PLCH1: variants seen among roughly 807,000 people sequenced by gnomAD.
The protein encoded by PLCH1 is 1-phosphatidylinositol 4,5-bisphosphate phosphodiesterase eta-1.
PLCH1 carries 60 observed loss-of-function variants against 126.7 expected under a neutral mutation model. The observed-to-expected ratio is 0.47, with a 90% confidence interval of 0.38 to 0.59. PLCH1 has a LOEUF of 0.59. Ranked by LOEUF, PLCH1 falls within the 20% of genes least tolerant of loss-of-function variation. The pLI, the probability that PLCH1 is intolerant of heterozygous loss-of-function variation, is 0.00. For missense variants in PLCH1, 1,723 were observed against 2,040.0 expected (o/e 0.84, Z 2.99); for synonymous variants, 719 against 734.9 (o/e 0.98, Z 0.35).
At chr3:155,734,325 T>A (rs1176230939) in intron 1 of PLCH1, among the ~76,000 whole-genome samples, 1 of 152,100 alleles carries the variant, frequency 6.6e-6, no homozygotes, top group Non-Finnish European at 1.5e-5. Flanking sequence ...ACAGTCATAG[T>A]GGCATGTGCC....
In PLCH1 at chr3:155,643,729, G is replaced by A. The variant is rs183036129; in HGVS notation, c.80-47351C>T. Among the ~76,000 whole-genome samples, 827 of 152,336 alleles carry A rather than the reference G, an allele frequency of 5.4e-3. 4 individuals are homozygous for A. Among genetic ancestry groups the A allele is most frequent in the Middle Eastern group, 0.014 (4 of 294 alleles). The stretch of plus-strand genomic sequence containing the variant: ...TACGCTCCATGAGAGCAGGGATCAT[G>A]TCTGGTGTTGCCCATCATTGTATTT... On this transcript the variant is annotated intron_variant, in intron 2 of 22. Transcript: ENST00000460012.
chr3:155,678,525 C>T (rs1287974234), intron 2 of PLCH1, among the ~76,000 whole-genome samples: 1 of 152,122 alleles, frequency 6.6e-6, no homozygotes, highest in African/African-American at 2.4e-5. Context: ...CCTATGCAGC[C>T]CATTCAAAAG....
In PLCH1 at chr3:155,596,325, G is replaced by T. The variant is rs150143990; in HGVS notation, c.133C>A (p.Arg45Ser). Residue 45 changes from arginine (R) to serine (S), a missense_variant, in exon 3 of 23, where the codon CGT becomes AGT. Arg to Ser is a moderately radical substitution (Grantham distance 110). Coordinates refer to ENST00000460012, the MANE Select transcript of PLCH1 (RefSeq NM_014996.4). ...QSGTQMIKLK[R>S]GTKGLVRLFY... ...AGGCGGACAAGCCCTTTGGTTCCAC[G>T]TTTCAGCTTGATCATCTGTGTCCCG... The T allele has an allele frequency of 3.1e-6, 5 of 1,613,410 alleles. No homozygotes were observed. Among genetic ancestry groups the T allele is most frequent in the Non-Finnish European group, 2.5e-6 (3 of 1,179,480 alleles).
At chr3:155,613,779 T>C (rs1457477427) in intron 2 of PLCH1, among the ~76,000 whole-genome samples, 2 of 151,474 alleles carry the variant, frequency 1.3e-5, no homozygotes, top group African/African-American at 4.9e-5. Flanking sequence ...CTGTTCAACA[T>C]AGTACTACTG....
chr3:155,477,554 A>T (rs922524038), downstream of PLCH1, among the ~76,000 whole-genome samples: 23 of 152,160 alleles, frequency 1.5e-4, no homozygotes, highest in African/African-American at 5.5e-4. Flanking sequence ...TATAGAAAAA[A>T]ATCTAATAAT....
intron 2 of PLCH1, among the ~76,000 whole-genome samples, chr3:155,643,310 C>A (rs1276525522): frequency 1.3e-5 from 2 of 152,104 alleles, no homozygotes; most frequent in Non-Finnish European, 2.9e-5. Flanking sequence ...TGTGTGGACA[C>A]TCAAGCAGCC....
chr3:155,493,483 G>A (rs1039150072), intron 17 of PLCH1, among the ~76,000 whole-genome samples: 9 of 152,138 alleles, frequency 5.9e-5, no homozygotes, highest in Non-Finnish European at 1.3e-4. Flanking sequence ...TGCCTCCTGG[G>A]TTCCAGCGAT....
chr3:155,527,140 A>T (rs1722060024), intron 10 of PLCH1, among the ~76,000 whole-genome samples: 1 of 152,214 alleles, frequency 6.6e-6, no homozygotes, highest in African/African-American at 2.4e-5. Context: ...GGGGGCCCAT[A>T]TCCCAGTTCT....
At chr3:155,698,326 A>G (rs1486322004) in intron 2 of PLCH1, among the ~76,000 whole-genome samples, 1 of 152,238 alleles carries the variant, frequency 6.6e-6, no homozygotes, top group Admixed American at 6.5e-5. Context: ...AATTTTTTGT[A>G]TCTCCAAGAC....
intron 1 of PLCH1, among the ~76,000 whole-genome samples, chr3:155,719,158 C>G (rs1435959414): frequency 6.6e-6 from 1 of 152,116 alleles, no homozygotes; most frequent in Non-Finnish European, 1.5e-5. Flanking sequence ...TCTTTTATCC[C>G]TCACCCTCCT....
chr3:155,626,836 T>G (rs966121131), intron 2 of PLCH1, among the ~76,000 whole-genome samples: 1 of 131,170 alleles, frequency 7.6e-6, no homozygotes, highest in African/African-American at 2.7e-5. Context: ...TGCAAAAATA[T>G]CTATATAAAC....
At chr3:155,699,514 A>G (rs1746103249) in intron 2 of PLCH1, among the ~76,000 whole-genome samples, 1 of 152,186 alleles carries the variant, frequency 6.6e-6, no homozygotes, top group Non-Finnish European at 1.5e-5. Context: ...GCTTTGATTC[A>G]GTAAAGAAAT....
intron 21 of PLCH1, among the ~76,000 whole-genome samples, chr3:155,465,527 G>A (rs1020265308): frequency 6.6e-6 from 1 of 152,098 alleles, no homozygotes; most frequent in South Asian, 2.1e-4. Flanking sequence ...GAGACTTGCC[G>A]GCTTTAGGTA....
intron 2 of PLCH1, among the ~76,000 whole-genome samples, chr3:155,689,453 T>C (rs1745206943): frequency 6.6e-6 from 1 of 151,954 alleles, no homozygotes; most frequent in African/African-American, 2.4e-5. Context: ...AGGGACCAAT[T>C]CTGGAGAAAC....
At chr3:155,566,466 T>C (rs1433352577) in intron 7 of PLCH1, among the ~76,000 whole-genome samples, 1 of 151,380 alleles carries the variant, frequency 6.6e-6, no homozygotes, top group Non-Finnish European at 1.5e-5. Flanking sequence ...AAGCTATGCT[T>C]ATGCAGTGTG....
At chr3:155,683,853 C>T (rs1392672132) in intron 2 of PLCH1, among the ~76,000 whole-genome samples, 1 of 152,136 alleles carries the variant, frequency 6.6e-6, no homozygotes, top group East Asian at 1.9e-4. Context: ...ATGCACTTTC[C>T]CCTGAACAGA....
chr3:155,566,152 T>C (rs1469001903), intron 7 of PLCH1, among the ~76,000 whole-genome samples: 2 of 130,564 alleles, frequency 1.5e-5, no homozygotes, highest in African/African-American at 5.3e-5. Context: ...TATATATACA[T>C]ATATACACAT....
downstream of PLCH1, among the ~76,000 whole-genome samples, chr3:155,476,005 C>G (rs1380561068): frequency 6.6e-6 from 1 of 151,478 alleles, no homozygotes. Flanking sequence ...GAAAAAGACA[C>G]AAAAAAAGAA....
intron 13 of PLCH1, 96 bp from the exon 14 acceptor site, chr3:155,500,890 A>C (rs920821398): frequency 3.7e-5 from 29 of 782,362 alleles, no homozygotes; most frequent in Non-Finnish European, 5.2e-5. Context: ...GCACATGTGC[A>C]CAAACATAAC....
Sources: gnomAD v4.1 joint callset for allele counts (sites outside exome capture counted in the v4.1 genomes callset) on GRCh38, gnomAD v4.1.1 for gene constraint, MANE v1.5 for transcripts, NCBI Gene and HGNC (gene_info 2026-07-23, HGNC 2026-07-21) for gene names.